Variants in TBC1D8B observed in about 807,000 individuals in gnomAD.
TBC1D8B encodes the protein TBC1 domain family member 8B, also known as RP11-321G1.1.
A neutral mutation model predicts 82.9 loss-of-function variants in TBC1D8B; 75 were observed. The ratio of observed to expected loss-of-function variants is 0.90; its 90% CI spans 0.75 to 1.10. The LOEUF is 1.10. TBC1D8B is among the 50% of genes least tolerant of loss of function. The pLI, the probability that TBC1D8B is intolerant of heterozygous loss-of-function variation, is 0.00. For synonymous variants in TBC1D8B, 276 were observed against 276.8 expected (o/e 1.00, Z 0.03); for missense variants, 794 against 796.9 (o/e 1.00, Z 0.04).
rs1725650770 is a variant in TBC1D8B at position 106,827,168 on chromosome X, AG to A, written c.1036del. 1 of 1,208,486 alleles carries A rather than the reference AG, an allele frequency of 8.3e-7. No homozygotes were observed. The highest frequency in any genetic ancestry group is 1.7e-5 in the African/African-American group (1 of 57,634). On this transcript the variant is annotated splice_acceptor_variant, in intron 6 of 20. Transcript: ENST00000357242. LOFTEE classifies it high-confidence loss of function. ...TTGACCTCTATGTTTTTCACCCCCT[AG>A]GTCTTAGCTATAGATAAGACAAATG... is the stretch of plus-strand genomic sequence containing the variant.
chrX:106,809,912 A>G (rs1236515458), intron 1 of TBC1D8B, among the ~76,000 whole-genome samples: 1 of 110,397 alleles, frequency 9.1e-6, no homozygotes, highest in African/African-American at 3.3e-5. Flanking sequence ...AAAGACAGAA[A>G]TAGTTCCAAC....
intron 1 of TBC1D8B, among the ~76,000 whole-genome samples, chrX:106,813,107 C>T (rs1023418613): frequency 8.9e-6 from 1 of 112,075 alleles, no homozygotes; most frequent in Admixed American, 9.5e-5. Flanking sequence ...ATTCACCCGC[C>T]TCGGCCTCCC....
Position 106,861,713 on chromosome X carries a change from G to A in TBC1D8B, c.2353-3846G>A, listed in dbSNP as rs975767640. ...TGTGCCTTTTAATTAGGGCAGTCTA[G>A]TTACATTCTGGTTAGCCTGTTTACA... On this transcript the variant is annotated intron_variant, in intron 14 of 20. Coordinates refer to ENST00000357242, the MANE Select transcript of TBC1D8B (RefSeq NM_017752.3). 5.4e-5 allele frequency among the ~76,000 whole-genome samples: 6 copies of A among 111,602 alleles called. No individual in the cohort carries two copies. The East Asian group carries it at 1.7e-3, about 31-fold the overall frequency.
chrX:106,868,290 A>C (rs1268782761), intron 17 of TBC1D8B, 103 bp from the exon 18 acceptor site: 32 of 426,689 alleles, frequency 7.5e-5, no homozygotes. Flanking sequence ...CTTATACAGA[A>C]ACTCTTTAAC....
chrX:106,865,140 T>C (rs1211443014), intron 14 of TBC1D8B, among the ~76,000 whole-genome samples: 1 of 111,688 alleles, frequency 9.0e-6, no homozygotes, highest in Non-Finnish European at 1.9e-5. Context: ...TTTTTTGGCA[T>C]AGAGAGGGAA....
At chrX:106,824,318 C>T (rs1301438217) in intron 5 of TBC1D8B, among the ~76,000 whole-genome samples, 1 of 110,738 alleles carries the variant, frequency 9.0e-6, no homozygotes, top group Non-Finnish European at 1.9e-5. Context: ...ATGGATAGAC[C>T]AGAACAAGTG....
rs374355627 is a variant in TBC1D8B at position 106,824,466 on chromosome X, G to T, written c.827+1000G>T. Among the ~76,000 whole-genome samples the T allele has an allele frequency of 1.6e-3, 174 of 111,205 alleles. 1 individual carries two copies. Among genetic ancestry groups the T allele is most frequent in the African/African-American group, 5.3e-3 (162 of 30,696 alleles). ...CCCTGCTTTTATGGAAATTAGATCA[G>T]CAAGGTAAATTTTTTATACTTCAGT... On this transcript the variant is annotated intron_variant, in intron 5 of 20. Transcript: ENST00000357242.
intron 12 of TBC1D8B, among the ~76,000 whole-genome samples, chrX:106,852,648 C>T (rs1353901580): frequency 1.8e-5 from 2 of 109,243 alleles, no homozygotes; most frequent in Non-Finnish European, 3.8e-5. Flanking sequence ...AGCCAGTTTT[C>T]CCAGCACCAT....
intron 7 of TBC1D8B, among the ~76,000 whole-genome samples, chrX:106,830,669 A>T (rs1311873577): frequency 9.2e-6 from 1 of 108,874 alleles, no homozygotes; most frequent in African/African-American, 3.3e-5. Flanking sequence ...ATTGGAAACC[A>T]TCATTCTCAG....
chrX:106,861,438 G>T (rs1160212762), intron 14 of TBC1D8B, among the ~76,000 whole-genome samples: 1 of 111,819 alleles, frequency 8.9e-6, no homozygotes, highest in East Asian at 2.8e-4. Flanking sequence ...TAAGATAGAT[G>T]TCTTCTTGTT....
chrX:106,852,955 G>T (rs1347347564), intron 12 of TBC1D8B, among the ~76,000 whole-genome samples: 1 of 110,036 alleles, frequency 9.1e-6, no homozygotes, highest in East Asian at 2.8e-4. Context: ...TTCCAATTCT[G>T]TGAAGAAAGT....
At chrX:106,805,359 G>A (rs749362173) in intron 1 of TBC1D8B, among the ~76,000 whole-genome samples, 4 of 109,480 alleles carry the variant, frequency 3.7e-5, no homozygotes, top group Admixed American at 9.7e-5. Context: ...ACTGGGATTG[G>A]GATTAAAGGA....
At chrX:106,813,138 G>A (rs1015743226) in intron 1 of TBC1D8B, among the ~76,000 whole-genome samples, 4 of 112,263 alleles carry the variant, frequency 3.6e-5, no homozygotes, top group African/African-American at 9.7e-5. Flanking sequence ...GATTAAAGGC[G>A]TGAGTCACCA....
intron 20 of TBC1D8B, among the ~76,000 whole-genome samples, chrX:106,872,124 G>A (rs1036550708): frequency 4.6e-5 from 5 of 109,715 alleles, no homozygotes; most frequent in African/African-American, 6.6e-5. Context: ...TTTTAAGACC[G>A]ACTATCAGAA....
chrX:106,849,769 T>C (rs1932548217), intron 11 of TBC1D8B: 1 of 855,816 alleles, frequency 1.2e-6, no homozygotes, highest in African/African-American at 2.1e-5. Flanking sequence ...TTGGTATAGC[T>C]CTTATAATAC....
chrX:106,835,020 T>C (rs1932140029), intron 7 of TBC1D8B, among the ~76,000 whole-genome samples: 1 of 111,959 alleles, frequency 8.9e-6, no homozygotes, highest in African/African-American at 3.2e-5. Flanking sequence ...ATAGCTCCAC[T>C]AGGCAATGCT....
chrX:106,802,922 C>A lies in TBC1D8B; in HGVS notation c.69C>A (p.Asn23Lys), dbSNP rs1931071318. The part of the protein sequence containing the change: ...ALKLWLMERS[N>K]DYFVLQRRRG... ...AGCTGTGGCTGATGGAAAGGTCCAA[C>A]GACTACTTCGTGCTGCAGCGGCGTC... Residue 23 changes from asparagine (N) to lysine (K), a missense_variant, in exon 1 of 21, where the codon AAC (asparagine) becomes AAA (lysine). Asn to Lys is a moderately conservative substitution (Grantham distance 94, BLOSUM62 0). Coordinates refer to ENST00000357242, the MANE Select transcript of TBC1D8B (RefSeq NM_017752.3). 4.1e-6 allele frequency: 5 copies of A among 1,211,144 alleles called. No individual in the cohort carries two copies. Among genetic ancestry groups the A allele is most frequent in the Non-Finnish European group, 5.6e-6 (5 of 895,268 alleles).
rs1932574516 is a variant in TBC1D8B at position 106,851,047 on chromosome X, C to T, written c.2123+737C>T. ...TCAAAACCCCAAAATGATTCCTACACTATCCCATTTCCCTCACCCATGCCC... is the reference window on the plus strand; with the variant it reads ...TCAAAACCCCAAAATGATTCCTACATTATCCCATTTCCCTCACCCATGCCC... On this transcript the variant is annotated intron_variant, in intron 12 of 20. Coordinates refer to ENST00000357242, the MANE Select transcript of TBC1D8B (RefSeq NM_017752.3). Among the ~76,000 whole-genome samples, 4 of 111,813 alleles carry T rather than the reference C, an allele frequency of 3.6e-5. No homozygotes were observed. The South Asian group carries it at 1.5e-3, about 42-fold the overall frequency.
intron 1 of TBC1D8B, among the ~76,000 whole-genome samples, chrX:106,817,089 A>G (rs1931562263): frequency 8.9e-6 from 1 of 111,914 alleles, no homozygotes; most frequent in Non-Finnish European, 1.9e-5. Context: ...GAAATGCCTC[A>G]TAAAGCAAAA....
Sources: allele counts gnomAD v4.1 joint callset (sites outside exome capture counted in the v4.1 genomes callset), GRCh38; gene constraint gnomAD v4.1.1; transcripts MANE v1.5; gene names NCBI Gene and HGNC (gene_info 2026-07-23, HGNC 2026-07-21).